The following FGGY variants were observed in gnomAD, a reference collection of about 807,000 sequenced individuals.
FGGY encodes the protein FGGY carbohydrate kinase domain containing.
FGGY carries 72 observed loss-of-function variants against 71.3 expected under a neutral mutation model. The observed-to-expected ratio is 1.01, with a 90% CI of 0.84 to 1.23. FGGY has a LOEUF of 1.23. Among genes scored for constraint, FGGY ranks in the 50% most tolerant of loss-of-function variants. The probability of loss-of-function intolerance (pLI) is 0.00; values close to 1 mark genes in which losing one functional copy is unlikely to be tolerated. For synonymous variants in FGGY, 251 were observed against 250.3 expected, an observed-to-expected ratio of 1.00 and a Z score of -0.02; for missense variants, 668 against 682.3, an observed-to-expected ratio of 0.98 and a Z score of 0.23.
At chr1:59,540,328 AC>A (rs1348659980) in intron 7 of FGGY, among the ~76,000 whole-genome samples, 8 of 152,146 alleles carry the variant, frequency 5.3e-5, no homozygotes, top group Admixed American at 2.0e-4. Flanking sequence ...AAAACTGCAA[AC>A]CCCCAGTTCC....
chr1:59,476,708 C>A (rs1184464363), intron 6 of FGGY, among the ~76,000 whole-genome samples: 1 of 152,206 alleles, frequency 6.6e-6, no homozygotes, highest in African/African-American at 2.4e-5. Flanking sequence ...ATTACCTGCC[C>A]AATGTCAAAA....
chr1:59,380,138 T>C (rs757697825), intron 5 of FGGY, among the ~76,000 whole-genome samples: 28 of 151,774 alleles, frequency 1.8e-4, no homozygotes, highest in Non-Finnish European at 1.5e-4. Context: ...TCCTTTCTTA[T>C]GGCTGCATAG....
At chr1:59,641,256 A>AG (rs1491020790) in intron 11 of FGGY, 1 of 1,596,806 alleles carries the variant, frequency 6.3e-7, no homozygotes, top group Admixed American at 1.7e-5. Flanking sequence ...TAATAAAAAA[A>AG]GAAAATTTTC....
chr1:59,418,076 G>A (rs1447214424), intron 5 of FGGY, among the ~76,000 whole-genome samples: 1 of 152,170 alleles, frequency 6.6e-6, no homozygotes, highest in African/African-American at 2.4e-5. Context: ...GCTAAGGAAG[G>A]ATTGGTACTC....
intron 5 of FGGY, among the ~76,000 whole-genome samples, chr1:59,444,650 C>A (rs1394141838): frequency 2.0e-5 from 3 of 152,126 alleles, no homozygotes; most frequent in African/African-American, 4.8e-5. Context: ...GCATCACCTC[C>A]TGTCAGATCA....
intron 11 of FGGY, among the ~76,000 whole-genome samples, chr1:59,647,787 G>C (rs1382040954): frequency 9.1e-6 from 1 of 109,718 alleles, no homozygotes; most frequent in Non-Finnish European, 1.8e-5. Flanking sequence ...TAGGGTACAT[G>C]TGCACATTGT....
intron 6 of FGGY, among the ~76,000 whole-genome samples, chr1:59,501,889 A>G (rs2094236553): frequency 6.6e-6 from 1 of 152,218 alleles, no homozygotes; most frequent in African/African-American, 2.4e-5. Flanking sequence ...AAGCTCGGCC[A>G]GAATGAGCTG....
intron 9 of FGGY, among the ~76,000 whole-genome samples, chr1:59,621,937 C>A (rs2096812630): frequency 6.6e-6 from 1 of 151,708 alleles, no homozygotes; most frequent in South Asian, 2.1e-4. Flanking sequence ...ATATATGGTA[C>A]CTTTGGCTAT....
At chr1:59,547,081 C>A (rs973167523) in intron 7 of FGGY, among the ~76,000 whole-genome samples, 2 of 151,304 alleles carry the variant, frequency 1.3e-5, no homozygotes, top group African/African-American at 4.9e-5. Context: ...GCCCCCTGAG[C>A]AGCTTGGACT....
At chr1:59,539,595 A>C (rs1570953853) in intron 7 of FGGY, among the ~76,000 whole-genome samples, 1 of 152,216 alleles carries the variant, frequency 6.6e-6, no homozygotes, top group Non-Finnish European at 1.5e-5. Flanking sequence ...TATACTATGC[A>C]TACAAATACA....
At chr1:59,354,474 A>G (rs1157704012) in intron 4 of FGGY, among the ~76,000 whole-genome samples, 1 of 152,166 alleles carries the variant, frequency 6.6e-6, no homozygotes, top group Non-Finnish European at 1.5e-5. Context: ...CTGGGATTTG[A>G]ACTTTGGCAT....
chr1:59,414,443 T>C (rs2064057035), intron 5 of FGGY, among the ~76,000 whole-genome samples: 1 of 152,204 alleles, frequency 6.6e-6, no homozygotes, highest in Admixed American at 6.5e-5. Context: ...CTGCTCTTTA[T>C]CTTCTCCCTC....
At chr1:59,581,410 A>G (rs1205239494) in intron 8 of FGGY, among the ~76,000 whole-genome samples, 1 of 149,944 alleles carries the variant, frequency 6.7e-6, no homozygotes, top group Admixed American at 6.6e-5. Flanking sequence ...TAGCTTGTTT[A>G]GAAGCTATTG....
chr1:59,615,674 C>G (rs184961360), intron 9 of FGGY, among the ~76,000 whole-genome samples: 3,651 of 152,240 alleles, frequency 0.024, 144 homozygotes, highest in African/African-American at 0.083. Context: ...AGAGCTTCTG[C>G]CCAGCAAAAG....
chr1:59,732,597 C>T (rs1038109418), intron 14 of FGGY, among the ~76,000 whole-genome samples: 2 of 151,890 alleles, frequency 1.3e-5, no homozygotes, highest in Middle Eastern at 6.8e-3. Flanking sequence ...ATCACTCTGT[C>T]CTCTACCTTC....
intron 4 of FGGY, among the ~76,000 whole-genome samples, chr1:59,353,807 C>T (rs1325102962): frequency 1.3e-5 from 2 of 152,084 alleles, no homozygotes; most frequent in East Asian, 3.9e-4. Context: ...AAGAGCCACA[C>T]CATTAGCTCT....
intron 8 of FGGY, among the ~76,000 whole-genome samples, chr1:59,599,174 G>C (rs898235925): frequency 6.6e-6 from 1 of 152,026 alleles, no homozygotes; most frequent in African/African-American, 2.4e-5. Context: ...CACGATCTTG[G>C]CTTACTGTAA....
intron 11 of FGGY, among the ~76,000 whole-genome samples, chr1:59,651,275 G>T (rs377368431): frequency 6.6e-6 from 1 of 152,004 alleles, no homozygotes; most frequent in Admixed American, 6.5e-5. Context: ...GGTCCGCTTG[G>T]TGCAGAGCTG....
chr1:59,734,037 G>C (rs973406399), intron 14 of FGGY, among the ~76,000 whole-genome samples: 1 of 152,186 alleles, frequency 6.6e-6, no homozygotes, highest in Non-Finnish European at 1.5e-5. Flanking sequence ...TGTGGGGTCC[G>C]CGTGGTATGG....
Sources: allele counts gnomAD v4.1 joint callset (sites outside exome capture counted in the v4.1 genomes callset), GRCh38; gene constraint gnomAD v4.1.1; transcripts MANE v1.5; gene names NCBI Gene and HGNC (gene_info 2026-07-23, HGNC 2026-07-21).